The following CCDC40 variants were observed in gnomAD, a reference collection of about 807,000 sequenced individuals.
CCDC40 encodes coiled-coil domain 40 molecular ruler complex subunit.
In CCDC40, 104 loss-of-function variants were observed where a neutral mutation model predicts 124.5. The ratio of observed to expected loss-of-function variants is 0.84; its 90% CI spans 0.71 to 0.98. CCDC40 has a LOEUF of 0.98. Ranked by LOEUF, CCDC40 falls within the 50% of genes least tolerant of loss-of-function variation. CCDC40 has a pLI of 0.00. For missense variants in CCDC40, 1,463 were observed against 1,503.9 expected, an observed-to-expected ratio of 0.97 and a Z score of 0.45; for synonymous variants, 580 against 602.9, an observed-to-expected ratio of 0.96 and a Z score of 0.56.
chr17:80,093,301 C>T (rs1024081291), intron 17 of CCDC40, among the ~76,000 whole-genome samples: 5 of 152,210 alleles, frequency 3.3e-5, no homozygotes, highest in Non-Finnish European at 5.9e-5. Flanking sequence ...CCTGCCTCAG[C>T]CTCCTGAGTA....
intron 10 of CCDC40, among the ~76,000 whole-genome samples, chr17:80,070,621 G>A (rs903317932): frequency 9.3e-5 from 14 of 151,324 alleles, no homozygotes; most frequent in East Asian, 1.9e-4. Context: ...TTTAATTAGC[G>A]GGGCATGGTG....
rs1167784841 is a variant in CCDC40, at chr17:80,038,005, C to CT, written c.30-117dup. On this transcript the variant is annotated intron_variant, in intron 1 of 19. Transcript: ENST00000397545. ...AACAGGACAAAGACGTGACAACAGCCTGGGGGTGGCAGAGAAGTAACAAGT... is the reference window on the plus strand; with the variant it reads ...AACAGGACAAAGACGTGACAACAGCCTTGGGGGTGGCAGAGAAGTAACAAGT... 16 of 705,140 alleles carry CT rather than the reference C, an allele frequency of 2.3e-5. No individual in the cohort carries two copies. The Admixed American group carries it at 3.3e-4, about 14-fold the overall frequency. 43.7% of individuals were successfully genotyped at this position (705,140 alleles called of 1,614,324 possible).
At chr17:80,076,342 G>A (rs970957182) in intron 10 of CCDC40, among the ~76,000 whole-genome samples, 3 of 152,104 alleles carry the variant, frequency 2.0e-5, no homozygotes, top group African/African-American at 7.2e-5. Context: ...GGGAGGCCAA[G>A]GCAGGCAGAT....
intron 19 of CCDC40, 133 bp from the exon 20 acceptor site, chr17:80,099,394 T>G (rs1227561535): frequency 1.9e-6 from 2 of 1,055,428 alleles, no homozygotes; most frequent in African/African-American, 3.1e-5. Context: ...GCGCAACACC[T>G]TCACGCCGTC....
Position 80,084,980 on chromosome 17 carries a change from G to T in CCDC40, c.2227G>T (p.Glu743Ter). 1.2e-6 allele frequency: 2 copies of T among 1,613,590 alleles called. No individual in the cohort carries two copies. The highest frequency in any genetic ancestry group is 1.7e-6 in the Non-Finnish European group (2 of 1,180,002). ...CAAGCAGCTGGAGCGGATGGTCTCCGAGCTGGGGGTGAGGTCCCAGGCAGG... is the reference window on the plus strand; with the variant it reads ...CAAGCAGCTGGAGCGGATGGTCTCCTAGCTGGGGGTGAGGTCCCAGGCAGG... ...LNKQLERMVS[E>*]LGGEEVGPLE... is the part of the protein sequence containing the mutation. Residue 743 changes from glutamate to a stop codon, truncating the protein, a stop_gained, in exon 13 of 20, where the codon GAG becomes TAG. Coordinates refer to ENST00000397545, the MANE Select transcript of CCDC40 (RefSeq NM_017950.4). LOFTEE classifies it high-confidence loss of function.
chr17:80,044,698 CAAACAAACAAAAAA>C (rs1439595174), intron 3 of CCDC40, among the ~76,000 whole-genome samples: 3 of 71,770 alleles, frequency 4.2e-5, no homozygotes, highest in African/African-American at 1.1e-4. Context: ...CAAAACAAAA[CAAACAAACAAAAAA>C]AAAAATATAT....
At chr17:80,074,898 G>A (rs1199307412) in intron 10 of CCDC40, among the ~76,000 whole-genome samples, 1 of 152,008 alleles carries the variant, frequency 6.6e-6, no homozygotes, top group African/African-American at 2.4e-5. Flanking sequence ...AAGGATATTC[G>A]TGATTCATGA....
intron 3 of CCDC40, among the ~76,000 whole-genome samples, chr17:80,042,494 T>G (rs2037307768): frequency 6.6e-6 from 1 of 152,148 alleles, no homozygotes; most frequent in Non-Finnish European, 1.5e-5. Flanking sequence ...TACAATTGGT[T>G]TTTGTATACT....
chr17:80,097,099 G>C (rs114620818), intron 18 of CCDC40, 146 bp from the exon 19 acceptor site: 4 of 877,770 alleles, frequency 4.6e-6, no homozygotes, highest in South Asian at 2.7e-5. Context: ...CCCAGGCCTC[G>C]CCTCTCCAGC....
At chr17:80,095,147 C>G (rs1249383591) in intron 17 of CCDC40, 116 bp from the exon 18 acceptor site, 1 of 960,428 alleles carries the variant, frequency 1.0e-6, no homozygotes, top group Non-Finnish European at 1.6e-6. Context: ...TCACTGTTTC[C>G]CCGCCGATCC....
intron 13 of CCDC40, among the ~76,000 whole-genome samples, 175 bp from the exon 14 acceptor site, chr17:80,085,828 C>G (rs748517898): frequency 2.6e-5 from 4 of 152,048 alleles, no homozygotes; most frequent in Admixed American, 2.6e-4. Flanking sequence ...CACCAGCACA[C>G]CTGGCTAATT....
rs145998578 is a variant in CCDC40, at chr17:80,099,595, C to T, written c.3249C>T (p.Tyr1083=). 1.4e-4 allele frequency: 230 copies of T among 1,613,628 alleles called. 1 individual carries two copies. The African/African-American group carries it at 2.6e-3, about 18-fold the overall frequency. The change falls in exon 20 of 20, where the codon TAC becomes TAT. Residue 1083 remains tyrosine (Y), a synonymous_variant. Coordinates refer to ENST00000397545, the MANE Select transcript of CCDC40 (RefSeq NM_017950.4). ...TGCAGGCTGTGAAGGAGGGGCGCTA[C>T]GTGTTCCTGTTCCGCTCCAAGCAGT... ...KHLQAVKEGR[Y]VFLFRSKQSL... is the part of the protein sequence containing the mutation.
At chr17:80,059,263 G>A (rs1321855511) in intron 9 of CCDC40, among the ~76,000 whole-genome samples, 1 of 152,164 alleles carries the variant, frequency 6.6e-6, no homozygotes, top group Non-Finnish European at 1.5e-5. Context: ...GCTTGCTGCG[G>A]GGATGCTCAG....
At chr17:80,076,132 G>A (rs566590520) in intron 10 of CCDC40, among the ~76,000 whole-genome samples, 28 of 152,216 alleles carry the variant, frequency 1.8e-4, no homozygotes, top group Admixed American at 3.9e-4. Flanking sequence ...AGCAGGGTTT[G>A]AGAGGACTGA....
intron 1 of CCDC40, among the ~76,000 whole-genome samples, chr17:80,037,209 G>A (rs1419577578): frequency 6.6e-6 from 1 of 152,186 alleles, no homozygotes; most frequent in Non-Finnish European, 1.5e-5. Flanking sequence ...GGGTCCCTGC[G>A]GTTAGGCGGC....
chr17:80,056,016 A>ATATATATATATATATTTT (rs71163913), intron 7 of CCDC40, among the ~76,000 whole-genome samples: 1 of 10,258 alleles, frequency 9.7e-5, no homozygotes, highest in African/African-American at 3.5e-4. Context: ...ATATATATAT[A>ATATATATATATATATTTT]TTTTTTTTTT....
chr17:80,054,888 T>C (rs2049105572), intron 7 of CCDC40, among the ~76,000 whole-genome samples: 1 of 151,930 alleles, frequency 6.6e-6, no homozygotes, highest in Non-Finnish European at 1.5e-5. Context: ...GACAGGAGAA[T>C]TGCTTGAGCC....
intron 3 of CCDC40, among the ~76,000 whole-genome samples, chr17:80,044,715 A>AT (rs2037375891): frequency 1.7e-5 from 1 of 60,420 alleles, no homozygotes; most frequent in South Asian, 5.3e-4. Context: ...ACAAAAAAAA[A>AT]AATATATATA....
In CCDC40 at chr17:80,048,718, C is replaced by T; in HGVS notation, c.812C>T (p.Ala271Val). ...GAGTCCGAGGGGAGTGACGAGGAAG[C>T]AGAAGACGAAGGGTCCCAGCTGGTG... ...RVESEGSDEEAEDEGSQLVVL... is the reference protein window; with the variant it reads ...RVESEGSDEEVEDEGSQLVVL... The change falls in exon 5 of 20, where the codon GCA (alanine) becomes GTA (valine). Residue 271 changes from alanine (A) to valine (V), a missense_variant. Ala to Val is a moderately conservative substitution (Grantham distance 64, BLOSUM62 0). Coordinates refer to ENST00000397545, the MANE Select transcript of CCDC40 (RefSeq NM_017950.4). The T allele has an allele frequency of 6.2e-7, 1 of 1,613,672 alleles. No individual in the cohort carries two copies. The highest frequency in any genetic ancestry group is 8.5e-7 in the Non-Finnish European group (1 of 1,179,796).
Sources: allele counts gnomAD v4.1 joint callset (sites outside exome capture counted in the v4.1 genomes callset), GRCh38; gene constraint gnomAD v4.1.1; transcripts MANE v1.5; gene names NCBI Gene and HGNC (gene_info 2026-07-23, HGNC 2026-07-21).